The following TMPRSS11F variants were observed in gnomAD, a reference collection of about 807,000 sequenced individuals.
The protein encoded by TMPRSS11F is transmembrane serine protease 11F, also known as transmembrane protease serine 11F.
In TMPRSS11F, 47 loss-of-function variants were observed where a neutral mutation model predicts 60.2. The ratio of observed to expected loss-of-function variants is 0.78; its 90% CI spans 0.62 to 1.00. The LOEUF (loss-of-function observed/expected upper bound fraction) is 1.00. Among genes scored for constraint, TMPRSS11F ranks in the 50% least tolerant of loss-of-function variants. The pLI is 0.00. For synonymous variants in TMPRSS11F, 166 were observed against 167.3 expected, an observed-to-expected ratio of 0.99 and a Z score of 0.06; for missense variants, 519 against 522.9, an observed-to-expected ratio of 0.99 and a Z score of 0.07.
rs554314418 is a variant in TMPRSS11F at position 68,063,906 on chromosome 4, T to C, written c.1015+779A>G. Among the ~76,000 whole-genome samples, 51 of 152,260 alleles carry C rather than the reference T, an allele frequency of 3.3e-4. 2 individuals are homozygous for C. The South Asian group carries it at 0.01, about 31-fold the overall frequency. ...CTCATACAATGAGAAATAATTAAAATAAACAAAGGAAAAAGCTATCATTAC... is the reference window on the plus strand; with the variant it reads ...CTCATACAATGAGAAATAATTAAAACAAACAAAGGAAAAAGCTATCATTAC... On this transcript the variant is annotated intron_variant, in intron 8 of 9. Coordinates refer to ENST00000356291, the MANE Select transcript of TMPRSS11F (RefSeq NM_207407.2).
At chr4:68,129,079 T>C (rs529343914) in intron 1 of TMPRSS11F, among the ~76,000 whole-genome samples, 10 of 152,172 alleles carry the variant, frequency 6.6e-5, no homozygotes, top group Non-Finnish European at 1.2e-4. Flanking sequence ...AGAACCTTTT[T>C]AAGAAACAAG....
intron 1 of TMPRSS11F, among the ~76,000 whole-genome samples, chr4:68,114,060 A>T (rs1039594108): frequency 5.3e-5 from 8 of 152,078 alleles, no homozygotes; most frequent in Admixed American, 1.3e-4. Flanking sequence ...AAAAAAACTT[A>T]AAAAATATTT....
chr4:68,128,973 A>T (rs1182512459), intron 1 of TMPRSS11F, among the ~76,000 whole-genome samples: 2 of 152,146 alleles, frequency 1.3e-5, no homozygotes, highest in Admixed American at 6.5e-5. Flanking sequence ...ACAAAATCAA[A>T]TGACTGAACA....
intron 1 of TMPRSS11F, among the ~76,000 whole-genome samples, chr4:68,120,376 C>CTTTT (rs34843345): frequency 1.4e-4 from 17 of 123,786 alleles, no homozygotes; most frequent in African/African-American, 4.8e-4. Context: ...ACAGAGAAAT[C>CTTTT]TTTTTTTTTT....
At chr4:68,085,558 A>G in intron 3 of TMPRSS11F, among the ~76,000 whole-genome samples, 1 of 152,226 alleles carries the variant, frequency 6.6e-6, no homozygotes, top group East Asian at 1.9e-4. Flanking sequence ...GACAGGAACA[A>G]AATATCATAT....
At position 68,117,861 on chromosome 4, in the gene TMPRSS11F, C is replaced by A. The variant is rs1724558149; in HGVS notation, c.11+11949G>T. On this transcript the variant is annotated intron_variant, in intron 1 of 9. Transcript: ENST00000356291. ...TCCATCTCTGTGGCTAAGGGCTATT[C>A]AAAAATGGACATGCAGTCCAACTCT... is the stretch of plus-strand genomic sequence containing the variant. Among the ~76,000 whole-genome samples, 4 of 152,084 alleles carry A rather than the reference C, an allele frequency of 2.6e-5. No homozygotes were observed. In the South Asian group the frequency reaches 8.3e-4, roughly 32 times the overall value.
intron 3 of TMPRSS11F, among the ~76,000 whole-genome samples, chr4:68,077,113 TTAATCAGTCC>T (rs1723600943): frequency 2.0e-5 from 3 of 152,188 alleles, no homozygotes. Context: ...CTCTGTCACA[TTAATCAGTCC>T]TGCAAGAAGG....
intron 3 of TMPRSS11F, among the ~76,000 whole-genome samples, chr4:68,089,351 G>A (rs1723880121): frequency 1.3e-5 from 2 of 152,148 alleles, no homozygotes; most frequent in Admixed American, 1.3e-4. Context: ...ACAAAAGGGT[G>A]CAGTCCTGTC....
chr4:68,111,372 A>G (rs1724407396), intron 1 of TMPRSS11F, among the ~76,000 whole-genome samples: 1 of 152,186 alleles, frequency 6.6e-6, no homozygotes, highest in South Asian at 2.1e-4. Flanking sequence ...ACAAAACAAA[A>G]AAACATGAAA....
intron 3 of TMPRSS11F, among the ~76,000 whole-genome samples, chr4:68,077,055 G>A (rs1384610067): frequency 1.3e-5 from 2 of 152,214 alleles, no homozygotes; most frequent in Non-Finnish European, 2.9e-5. Flanking sequence ...GGGCAACCAT[G>A]TAGACTACAA....
chr4:68,109,675 T>C (rs1171815130), intron 1 of TMPRSS11F, among the ~76,000 whole-genome samples: 1 of 152,168 alleles, frequency 6.6e-6, no homozygotes, highest in Admixed American at 6.5e-5. Flanking sequence ...AGGGTTTAAG[T>C]ACAAAAGAGA....
intron 1 of TMPRSS11F, among the ~76,000 whole-genome samples, chr4:68,099,250 G>A (rs1724140601): frequency 6.6e-6 from 1 of 152,180 alleles, no homozygotes; most frequent in Admixed American, 6.5e-5. Context: ...TGCTGATGTT[G>A]ACATTCAAGT....
At chr4:68,113,924 A>C (rs1449348757) in intron 1 of TMPRSS11F, among the ~76,000 whole-genome samples, 1 of 152,162 alleles carries the variant, frequency 6.6e-6, no homozygotes, top group Non-Finnish European at 1.5e-5. Flanking sequence ...AATCTTATAA[A>C]GTATGTTCTT....
At chr4:68,086,069 G>C (rs954500055) in intron 3 of TMPRSS11F, among the ~76,000 whole-genome samples, 3 of 151,972 alleles carry the variant, frequency 2.0e-5, no homozygotes, top group Non-Finnish European at 2.9e-5. Context: ...AACAACCATA[G>C]AATATATATT....
intron 4 of TMPRSS11F, 29 bp downstream of exon 4, chr4:68,073,913 A>T: frequency 8.4e-6 from 12 of 1,425,836 alleles, no homozygotes; most frequent in Non-Finnish European, 1.2e-5. Flanking sequence ...AACAGTATTA[A>T]CTTGAAATTA....
chr4:68,068,867 A>T, intron 6 of TMPRSS11F, 48 bp from the exon 7 acceptor site: 1 of 1,590,074 alleles, frequency 6.3e-7, no homozygotes, highest in Non-Finnish European at 8.6e-7. Context: ...AGGAGGAAAA[A>T]AGTATATTCT....
chr4:68,125,048 A>G (rs1268306488), intron 1 of TMPRSS11F, among the ~76,000 whole-genome samples: 4 of 145,032 alleles, frequency 2.8e-5, no homozygotes, highest in Non-Finnish European at 6.0e-5. Flanking sequence ...GTCATTCCAT[A>G]TATTATATTC....
chr4:68,055,716 T>C (rs1181493732), intron 9 of TMPRSS11F, among the ~76,000 whole-genome samples: 1 of 152,132 alleles, frequency 6.6e-6, no homozygotes, highest in Non-Finnish European at 1.5e-5. Flanking sequence ...CCCAAACTCA[T>C]TTGACAAGGT....
At chr4:68,090,696 C>G in intron 2 of TMPRSS11F, 55 bp from the exon 3 acceptor site, 1 of 1,553,138 alleles carries the variant, frequency 6.4e-7, no homozygotes, top group South Asian at 1.2e-5. Context: ...GTTGTTTTGT[C>G]CCCTACGTCT....
Sources: allele counts gnomAD v4.1 joint callset (sites outside exome capture counted in the v4.1 genomes callset), GRCh38; gene constraint gnomAD v4.1.1; transcripts MANE v1.5; gene names NCBI Gene and HGNC (gene_info 2026-07-23, HGNC 2026-07-21).